The following TLL2 variants were observed in gnomAD, a reference collection of about 807,000 sequenced individuals.
The protein encoded by TLL2 is tolloid like 2, also known as tolloid-like protein 2.
TLL2 carries 106 observed loss-of-function variants against 123.0 expected under a neutral mutation model. The ratio of observed to expected loss-of-function variants is 0.86; its 90% CI spans 0.74 to 1.01. The LOEUF (loss-of-function observed/expected upper bound fraction) is 1.01. TLL2 is among the 50% of genes least tolerant of loss of function. The pLI is 0.00. For missense variants in TLL2, 1,332 were observed against 1,336.7 expected (o/e 1.00, Z 0.06); for synonymous variants, 494 against 516.8 (o/e 0.96, Z 0.60).
intron 7 of TLL2, among the ~76,000 whole-genome samples, chr10:96,418,674 T>C (rs1846589048): frequency 6.7e-6 from 1 of 149,930 alleles, no homozygotes; most frequent in Non-Finnish European, 1.5e-5. Flanking sequence ...ATACAACAGA[T>C]ACATATGAAT....
intron 2 of TLL2, among the ~76,000 whole-genome samples, chr10:96,465,066 G>GA (rs1360740055): frequency 6.6e-6 from 1 of 152,174 alleles, no homozygotes; most frequent in East Asian, 1.9e-4. Context: ...GGAGATCAAA[G>GA]AAAGGAAGAG....
chr10:96,413,116 A>T, intron 8 of TLL2, 76 bp downstream of exon 8: 3 of 1,579,378 alleles, frequency 1.9e-6, no homozygotes, highest in Non-Finnish European at 2.6e-6. Flanking sequence ...AGGTCCCCCA[A>T]GTTGTTTTCC....
At chr10:96,475,168 G>A (rs914089112) in intron 2 of TLL2, among the ~76,000 whole-genome samples, 19 of 152,214 alleles carry the variant, frequency 1.2e-4, no homozygotes, top group African/African-American at 4.3e-4. Flanking sequence ...GAAGCAGAAC[G>A]GAGTAAGAGA....
intron 5 of TLL2, 61 bp from the exon 6 acceptor site, chr10:96,422,788 G>C: frequency 6.3e-7 from 1 of 1,590,218 alleles, no homozygotes. Context: ...CAAGAGGCAA[G>C]TCCCCCCTCC....
intron 12 of TLL2, 36 bp downstream of exon 12, chr10:96,395,839 C>A: frequency 6.2e-7 from 1 of 1,606,576 alleles, no homozygotes; most frequent in Non-Finnish European, 8.5e-7. Context: ...GCAAAAGTTG[C>A]CGTTTCCTTG....
intron 5 of TLL2, 70 bp from the exon 6 acceptor site, chr10:96,422,797 C>T: frequency 6.4e-7 from 1 of 1,568,042 alleles, no homozygotes; most frequent in Non-Finnish European, 8.7e-7. Flanking sequence ...AGTCCCCCCT[C>T]CCACTCTGTA....
intron 1 of TLL2, among the ~76,000 whole-genome samples, chr10:96,505,925 C>T (rs1297253300): frequency 6.6e-6 from 1 of 152,104 alleles, no homozygotes; most frequent in East Asian, 1.9e-4. Flanking sequence ...GCTTTGAAGG[C>T]TGAGGGACTT....
At chr10:96,480,244 T>G in intron 2 of TLL2, 105 bp downstream of exon 2, 1 of 915,454 alleles carries the variant, frequency 1.1e-6, no homozygotes, top group Non-Finnish European at 1.7e-6. Context: ...TAGGGGGGCA[T>G]TAGACTAGCA....
chr10:96,443,209 C>T (rs552414424), intron 3 of TLL2, among the ~76,000 whole-genome samples: 2 of 152,330 alleles, frequency 1.3e-5, no homozygotes, highest in South Asian at 2.1e-4. Flanking sequence ...CCACTTCTCT[C>T]GTGAAGGAGT....
At chr10:96,511,288 T>A (rs759524833) in intron 1 of TLL2, among the ~76,000 whole-genome samples, 1 of 152,266 alleles carries the variant, frequency 6.6e-6, no homozygotes, top group Admixed American at 6.5e-5. Context: ...AGTACACTGA[T>A]GAACTGCTTG....
intron 1 of TLL2, among the ~76,000 whole-genome samples, chr10:96,489,580 A>G (rs1847391715): frequency 6.6e-6 from 1 of 152,168 alleles, no homozygotes; most frequent in Admixed American, 6.5e-5. Flanking sequence ...TCCCATCAAC[A>G]TGGTACCCGC....
intron 2 of TLL2, among the ~76,000 whole-genome samples, chr10:96,454,332 G>A (rs1846989857): frequency 6.6e-6 from 1 of 152,228 alleles, no homozygotes; most frequent in South Asian, 2.1e-4. Context: ...CCTGGCACTG[G>A]CTGATGAAGT....
At chr10:96,389,362 T>C (rs1255126945) in intron 13 of TLL2, among the ~76,000 whole-genome samples, 1 of 152,196 alleles carries the variant, frequency 6.6e-6, no homozygotes, top group African/African-American at 2.4e-5. Flanking sequence ...TGCTTTCAAA[T>C]TTCCAGTGAG....
chr10:96,479,727 C>T (rs1163726189), intron 2 of TLL2, among the ~76,000 whole-genome samples: 3 of 152,248 alleles, frequency 2.0e-5, no homozygotes, highest in African/African-American at 7.2e-5. Flanking sequence ...CCTTCACTGT[C>T]TACCCCAGCT....
chr10:96,435,258 C>T (rs1846785409), intron 3 of TLL2, among the ~76,000 whole-genome samples: 2 of 152,032 alleles, frequency 1.3e-5, no homozygotes, highest in Admixed American at 1.3e-4. Context: ...GTCTCGATCT[C>T]CTGACCTCGT....
At chr10:96,428,875 G>C in intron 4 of TLL2, 127 bp from the exon 5 acceptor site, 2 of 599,720 alleles carry the variant, frequency 3.3e-6, no homozygotes, top group East Asian at 3.1e-5. Flanking sequence ...TGCGATCTCG[G>C]CTCACTGCAA....
intron 2 of TLL2, among the ~76,000 whole-genome samples, chr10:96,447,449 G>A (rs1391377143): frequency 6.6e-6 from 1 of 152,244 alleles, no homozygotes; most frequent in Non-Finnish European, 1.5e-5. Flanking sequence ...GTGAGACAGG[G>A]TGGTGGTGTG....
chr10:96,455,119 A>C (rs1223942863), intron 2 of TLL2, among the ~76,000 whole-genome samples: 1 of 152,150 alleles, frequency 6.6e-6, no homozygotes, highest in Non-Finnish European at 1.5e-5. Flanking sequence ...GCGGGTGCCT[A>C]TAGTCCCAGC....
rs369245672 is a variant in TLL2, at chr10:96,376,835, G to C, written c.2321-16C>G. 5.3e-6 allele frequency: 8 copies of C among 1,511,494 alleles called. No homozygotes were observed. In the African/African-American group the frequency reaches 1.1e-4, roughly 22 times the overall value. The allele number at this position is 1,511,494 out of a possible 1,614,324, so 93.6% of individuals were successfully genotyped here. On this transcript the variant is annotated splice_polypyrimidine_tract_variant and intron_variant, in intron 17 of 20. Coordinates refer to ENST00000357947, the MANE Select transcript of TLL2 (RefSeq NM_012465.4). ...GCACAGCCAGCTGGGGGTGGCAGGG[G>C]GACACATACAAAGAGAGAAGTCATT...
Sources: gnomAD v4.1 joint callset for allele counts (sites outside exome capture counted in the v4.1 genomes callset) on GRCh38, gnomAD v4.1.1 for gene constraint, MANE v1.5 for transcripts, NCBI Gene and HGNC (gene_info 2026-07-23, HGNC 2026-07-21) for gene names.